The following RANBP2 variants were observed in gnomAD, a reference collection of about 807,000 sequenced individuals.
The protein encoded by RANBP2 is E3 SUMO-protein ligase RanBP2.
Under a neutral mutation model 303.6 loss-of-function variants are expected in RANBP2, and 57 were observed. The ratio of observed to expected loss-of-function variants is 0.19; its 90% CI spans 0.15 to 0.23. The LOEUF (loss-of-function observed/expected upper bound fraction) is 0.23, where lower values mean the gene tolerates loss of function less well. Ranked by LOEUF, RANBP2 falls within the 10% of genes least tolerant of loss-of-function variation. The pLI is 1.00. For synonymous variants in RANBP2, 1,167 were observed against 1,301.5 expected, an observed-to-expected ratio of 0.90 and a Z score of 2.23; for missense variants, 3,138 against 3,780.8, an observed-to-expected ratio of 0.83 and a Z score of 4.46.
chr2:109,478,810 A>T, the RANBP2 span, among the ~76,000 whole-genome samples: 1 of 152,170 alleles, frequency 6.6e-6, no homozygotes, highest in East Asian at 1.9e-4. Flanking sequence ...GTGAGAATGA[A>T]ACCCGCTCCA....
the RANBP2 span, chr2:108,906,448 G>C: frequency 6.9e-7 from 1 of 1,456,030 alleles, no homozygotes; most frequent in South Asian, 1.1e-5. Context: ...GTCAGCAGGG[G>C]CAGGCAGCAG....
chr2:109,300,148 G>A, the RANBP2 span, among the ~76,000 whole-genome samples: 5 of 152,058 alleles, frequency 3.3e-5, no homozygotes, highest in Admixed American at 6.5e-5. Context: ...GCACACACAG[G>A]GATGGGAAGA....
At chr2:109,423,642 C>T in the RANBP2 span, among the ~76,000 whole-genome samples, 1 of 152,182 alleles carries the variant, frequency 6.6e-6, no homozygotes, top group Non-Finnish European at 1.5e-5. Context: ...CCTGGATCAG[C>T]GAAATCACCG....
chr2:109,333,870 TATA>T, the RANBP2 span, among the ~76,000 whole-genome samples: 2 of 152,188 alleles, frequency 1.3e-5, no homozygotes, highest in Non-Finnish European at 2.9e-5. Context: ...ATTATGATGA[TATA>T]ATAATGATAT....
chr2:109,163,589 C>T, the RANBP2 span, among the ~76,000 whole-genome samples: 58 of 151,134 alleles, frequency 3.8e-4, no homozygotes, highest in African/African-American at 5.6e-4. Context: ...TTAGTAGAGA[C>T]GGGGTTTCAC....
chr2:109,106,020 A>AT, the RANBP2 span, among the ~76,000 whole-genome samples: 2,029 of 142,908 alleles, frequency 0.014, 37 homozygotes, highest in African/African-American at 0.043. Flanking sequence ...TGCCCGGCTA[A>AT]TTTTTTTTTT....
chr2:108,772,727 C>T (rs1023423800), intron 22 of RANBP2, 141 bp from the exon 23 acceptor site: 2 of 1,215,592 alleles, frequency 1.6e-6, no homozygotes, highest in African/African-American at 1.5e-5. Flanking sequence ...TGAAAATATT[C>T]TTTTCTGGGT....
At chr2:109,532,384 A>G in the RANBP2 span, among the ~76,000 whole-genome samples, 1 of 152,144 alleles carries the variant, frequency 6.6e-6, no homozygotes, top group Non-Finnish European at 1.5e-5. Context: ...TTTTGTTCAA[A>G]TTAAATCTTA....
the RANBP2 span, among the ~76,000 whole-genome samples, chr2:108,935,710 T>C: frequency 6.6e-6 from 1 of 152,176 alleles, no homozygotes; most frequent in South Asian, 2.1e-4. Context: ...TAGAGTTCAT[T>C]CATTTATTCA....
the RANBP2 span, among the ~76,000 whole-genome samples, chr2:109,295,113 T>C: frequency 6.6e-6 from 1 of 152,232 alleles, no homozygotes; most frequent in East Asian, 1.9e-4. Flanking sequence ...GAGTATCTCA[T>C]CCAGTGGCAT....
chr2:108,726,294 G>T (rs1694701289), intron 1 of RANBP2, among the ~76,000 whole-genome samples: 1 of 152,208 alleles, frequency 6.6e-6, no homozygotes, highest in African/African-American at 2.4e-5. Flanking sequence ...CAGATCAGTT[G>T]TTGGAGTATT....
chr2:109,612,762 C>G, the RANBP2 span, among the ~76,000 whole-genome samples: 1 of 152,070 alleles, frequency 6.6e-6, no homozygotes. Context: ...GGGGTCCAGA[C>G]AGAAAATTTG....
At chr2:109,563,260 T>C in the RANBP2 span, among the ~76,000 whole-genome samples, 2 of 152,092 alleles carry the variant, frequency 1.3e-5, no homozygotes, top group African/African-American at 4.8e-5. Flanking sequence ...AGTGAAAACA[T>C]TAATTAACTC....
the RANBP2 span, among the ~76,000 whole-genome samples, chr2:108,949,752 C>T: frequency 6.6e-6 from 1 of 152,142 alleles, no homozygotes; most frequent in Non-Finnish European, 1.5e-5. Flanking sequence ...CTTATTTCTT[C>T]TCAAACTCCA....
chr2:108,745,135 G>A (rs1381156765), intron 7 of RANBP2, among the ~76,000 whole-genome samples: 3 of 147,286 alleles, frequency 2.0e-5, no homozygotes, highest in East Asian at 3.9e-4. Flanking sequence ...TTTTTTTAAT[G>A]CTACTTCAAG....
At chr2:108,770,162 T>C (rs826582) in intron 20 of RANBP2, among the ~76,000 whole-genome samples, 55,699 of 150,670 alleles carry the variant, frequency 0.37, 13,757 homozygotes, top group African/African-American at 0.71. Flanking sequence ...GAGCCTTATT[T>C]TGTTTTGAAT....
the RANBP2 span, among the ~76,000 whole-genome samples, chr2:109,677,398 C>A: frequency 6.6e-6 from 1 of 152,172 alleles, no homozygotes; most frequent in Admixed American, 6.5e-5. Flanking sequence ...CTTGGTCAAG[C>A]TGTTCTTTGT....
the RANBP2 span, among the ~76,000 whole-genome samples, chr2:109,730,470 A>C: frequency 1.3e-5 from 2 of 152,194 alleles, no homozygotes; most frequent in Non-Finnish European, 2.9e-5. Flanking sequence ...GGGATGTGTA[A>C]GACGGAAAAC....
the RANBP2 span, among the ~76,000 whole-genome samples, chr2:109,674,974 C>G: frequency 1.3e-5 from 2 of 152,112 alleles, no homozygotes; most frequent in African/African-American, 4.8e-5. Context: ...TTTTCAGCTA[C>G]TTTTTTTCTT....
Sources: gnomAD v4.1 joint callset for allele counts (sites outside exome capture counted in the v4.1 genomes callset) on GRCh38, gnomAD v4.1.1 for gene constraint, MANE v1.5 for transcripts, NCBI Gene and HGNC (gene_info 2026-07-23, HGNC 2026-07-21) for gene names.